MARK1: variants seen among roughly 807,000 people sequenced by gnomAD.
MARK1 encodes microtubule affinity regulating kinase 1.
A neutral mutation model predicts 96.3 loss-of-function variants in MARK1; 40 were observed. That is an observed-to-expected ratio of 0.42 (90% CI 0.32 to 0.54). MARK1 has a LOEUF of 0.54. Among genes scored for constraint, MARK1 ranks in the 20% least tolerant of loss-of-function variants. The pLI, the probability that MARK1 is intolerant of heterozygous loss-of-function variation, is 0.16. For synonymous variants in MARK1, 317 were observed against 341.2 expected (o/e 0.93, Z 0.78); for missense variants, 719 against 984.6 (o/e 0.73, Z 3.61).
intron 3 of MARK1, among the ~76,000 whole-genome samples, chr1:220,591,818 A>G (rs1665000735): frequency 6.6e-6 from 1 of 152,162 alleles, no homozygotes; most frequent in South Asian, 2.1e-4. Flanking sequence ...GATCACACTC[A>G]TAAGCTCATA....
chr1:220,649,350 TCG>T (rs1414563203), intron 13 of MARK1, among the ~76,000 whole-genome samples: 2 of 151,908 alleles, frequency 1.3e-5, no homozygotes, highest in Non-Finnish European at 2.9e-5. Context: ...CTTAAGCCTC[TCG>T]AGTAGCTGGG....
At chr1:220,640,187 A>G (rs1321658948) in intron 13 of MARK1, among the ~76,000 whole-genome samples, 1 of 152,238 alleles carries the variant, frequency 6.6e-6, no homozygotes, top group African/African-American at 2.4e-5. Context: ...AATATAATGG[A>G]AAACATTAAA....
chr1:220,571,413 G>A (rs771535182), intron 1 of MARK1, among the ~76,000 whole-genome samples: 2 of 152,162 alleles, frequency 1.3e-5, no homozygotes, highest in Admixed American at 1.3e-4. Flanking sequence ...CAGGTCTTTT[G>A]TGCTTCATAA....
rs1042858461 is a variant in MARK1 at position 220,550,114 on chromosome 1, T to G, written c.51+21241T>G. The stretch of plus-strand genomic sequence containing the variant: ...CTGAGTACAAATATACTTGAAATGA[T>G]TACAGCTTTAAACATGCTAATGGAA... On this transcript the variant is annotated intron_variant, in intron 1 of 17. Transcript: ENST00000366917. Among the ~76,000 whole-genome samples, 5 of 152,324 alleles carry G rather than the reference T, an allele frequency of 3.3e-5. No individual in the cohort carries two copies. The South Asian group carries it at 1.0e-3, about 32-fold the overall frequency.
intron 1 of MARK1, among the ~76,000 whole-genome samples, chr1:220,538,842 A>C (rs1240234661): frequency 6.7e-6 from 1 of 150,270 alleles, no homozygotes; most frequent in African/African-American, 2.4e-5. Context: ...TGTGAATGGG[A>C]GTTCACTCAT....
chr1:220,624,469 A>G (rs1349123205), intron 9 of MARK1, among the ~76,000 whole-genome samples: 1 of 150,386 alleles, frequency 6.6e-6, no homozygotes, highest in East Asian at 2.0e-4. Flanking sequence ...CATGGTGCCC[A>G]TGCCTGTAAT....
intron 13 of MARK1, among the ~76,000 whole-genome samples, chr1:220,646,048 G>A (rs191766907): frequency 1.6e-4 from 25 of 152,278 alleles, no homozygotes; most frequent in Admixed American, 6.5e-5. Context: ...AGTATTGGAA[G>A]TTCTGGCCAG....
At chr1:220,534,606 G>A (rs1395616199) in intron 1 of MARK1, among the ~76,000 whole-genome samples, 1 of 152,000 alleles carries the variant, frequency 6.6e-6, no homozygotes, top group Admixed American at 6.5e-5. Context: ...GCACAATATT[G>A]TACAGCACAT....
chr1:220,599,764 C>G, intron 4 of MARK1, 34 bp from the exon 5 acceptor site: 1 of 1,217,462 alleles, frequency 8.2e-7, no homozygotes, highest in Non-Finnish European at 1.2e-6. Context: ...TCTGTGCTAA[C>G]AGTTATAGAG....
In MARK1 at chr1:220,528,832, C is replaced by T; in HGVS notation, c.10C>T (p.Arg4Trp). 1 of 1,563,828 alleles carries T rather than the reference C, an allele frequency of 6.4e-7. No individual in the cohort carries two copies. Among genetic ancestry groups the T allele is most frequent in the South Asian group, 1.2e-5 (1 of 84,970 alleles). The change falls in exon 1 of 18, where the codon CGG becomes TGG. Residue 4 changes from arginine (R) to tryptophan (W), a missense_variant. Transcript: ENST00000366917. MSA[R>W]TPLPTVNERD... is the part of the protein sequence containing the mutation. ...CCGCTGCCCGCACAAAATGTCGGCC[C>T]GGACGCCATTGCCGACGGTGAACGA... is the stretch of plus-strand genomic sequence containing the variant.
In MARK1 at chr1:220,618,294, A is replaced by G. The variant is rs749882261; in HGVS notation, c.553-16A>G. ...GTAGGCTTTTTACATTGTTCTTTCT[A>G]TTATTTTCCTCTTAGGCTGAAAACC... On this transcript the variant is annotated splice_polypyrimidine_tract_variant and intron_variant, in intron 7 of 17. Coordinates refer to ENST00000366917, the MANE Select transcript of MARK1 (RefSeq NM_018650.5). This position sits in a 1 kb window ranked among gnomAD's most constrained non-coding sequence, Gnocchi z 4.6. 3.4e-6 allele frequency: 5 copies of G among 1,472,756 alleles called. No homozygotes were observed. The highest frequency in any genetic ancestry group is 2.3e-5 in the South Asian group (2 of 87,550). The allele number at this position is 1,472,756 out of a possible 1,614,324, so 91.2% of individuals were successfully genotyped here.
rs1662985312 is a variant in MARK1, at chr1:220,565,518, G to A, written c.52-13836G>A. Among the ~76,000 whole-genome samples, 5 of 152,024 alleles carry A rather than the reference G, an allele frequency of 3.3e-5. No homozygotes were observed. The South Asian group carries it at 1.0e-3, about 32-fold the overall frequency. On this transcript the variant is annotated intron_variant, in intron 1 of 17. Coordinates refer to ENST00000366917, the MANE Select transcript of MARK1 (RefSeq NM_018650.5). ...CTTGTATATGCACTGTTCTGTGAGGGCTGGCTACATGGCAAGCCCCTGGTC... is the reference window on the plus strand; with the variant it reads ...CTTGTATATGCACTGTTCTGTGAGGACTGGCTACATGGCAAGCCCCTGGTC...
In MARK1 at chr1:220,661,809, C is replaced by T; in HGVS notation, c.2034-3C>T. The stretch of plus-strand genomic sequence containing the variant: ...ATTCTTTCCCTTTGCCCTCTTGTTC[C>T]AGAAGTACATCAGGGGAACCAAAAG... On this transcript the variant is annotated splice_region_variant and splice_polypyrimidine_tract_variant and intron_variant, in intron 17 of 17. Transcript: ENST00000366917. 1.3e-6 allele frequency: 2 copies of T among 1,592,826 alleles called. No homozygotes were observed. Among genetic ancestry groups the T allele is most frequent in the Non-Finnish European group, 1.7e-6 (2 of 1,167,230 alleles).
chr1:220,540,955 A>G (rs1272913945), intron 1 of MARK1, among the ~76,000 whole-genome samples: 4 of 149,642 alleles, frequency 2.7e-5, no homozygotes, highest in Admixed American at 2.0e-4. Context: ...TTTGTTTGAG[A>G]TAGAGTCTTG....
intron 3 of MARK1, among the ~76,000 whole-genome samples, chr1:220,585,182 T>C (rs1467694032): frequency 6.6e-6 from 1 of 152,214 alleles, no homozygotes; most frequent in Non-Finnish European, 1.5e-5. Flanking sequence ...TTATGCCTAA[T>C]AGCCAGTTAC....
In MARK1 at chr1:220,662,154, G is replaced by A. The variant is rs1437032098; in HGVS notation, c.2376G>A (p.Glu792=). 1.2e-6 allele frequency: 2 copies of A among 1,609,054 alleles called. No individual in the cohort carries two copies. The highest frequency in any genetic ancestry group is 1.7e-6 in the Non-Finnish European group (2 of 1,178,136). The change falls in exon 18 of 18, where the codon GAG becomes GAA. Residue 792 remains glutamate (E), a synonymous_variant. Transcript: ENST00000366917. The part of the protein sequence containing the change: ...FKNIASKIAN[E]LKL ...ACATTGCATCAAAAATAGCAAATGA[G>A]CTTAAGCTGTAAAGAAGTCCAAATT...
At chr1:220,551,817 A>T (rs1300779547) in intron 1 of MARK1, among the ~76,000 whole-genome samples, 1 of 152,210 alleles carries the variant, frequency 6.6e-6, no homozygotes, top group East Asian at 1.9e-4. Context: ...TGTAGGTGGT[A>T]TTTATAATTA....
At chr1:220,555,273 A>G (rs1404584704) in intron 1 of MARK1, among the ~76,000 whole-genome samples, 5 of 152,246 alleles carry the variant, frequency 3.3e-5, no homozygotes, top group African/African-American at 9.6e-5. Flanking sequence ...AATCTATTAC[A>G]TAATCATCCT....
rs549045354 is a variant in MARK1, at chr1:220,658,674, T to C, written c.2033+840T>C. On this transcript the variant is annotated intron_variant, in intron 17 of 17. Transcript: ENST00000366917. Reference sequence around the variant, plus strand: ...CTCTGGCTTCATTCAGGAACGATTGTGACCAGCTGAACACAAACCTCCAAT... The same window carrying C: ...CTCTGGCTTCATTCAGGAACGATTGCGACCAGCTGAACACAAACCTCCAAT... Among the ~76,000 whole-genome samples, 8 of 152,378 alleles carry C rather than the reference T, an allele frequency of 5.3e-5. No individual in the cohort carries two copies. The South Asian group carries it at 1.7e-3, about 32-fold the overall frequency.
Sources: gnomAD v4.1 joint callset for allele counts (sites outside exome capture counted in the v4.1 genomes callset) on GRCh38, gnomAD v4.1.1 for gene constraint, Gnocchi (gnomAD v3.1) non-coding constraint, MANE v1.5 for transcripts, NCBI Gene and HGNC (gene_info 2026-07-23, HGNC 2026-07-21) for gene names.